The following MSH4 variants were observed in gnomAD, a reference collection of about 807,000 sequenced individuals.
MSH4 encodes mutS protein homolog 4.
MSH4 carries 106 observed loss-of-function variants against 113.7 expected under a neutral mutation model. That is an observed-to-expected ratio of 0.93 (90% CI 0.80 to 1.10). The LOEUF is 1.10. Ranked by LOEUF, MSH4 falls within the 50% of genes least tolerant of loss-of-function variation. The pLI is 0.00. For missense variants in MSH4, 1,061 were observed against 1,093.7 expected, an observed-to-expected ratio of 0.97 and a Z score of 0.42; for synonymous variants, 368 against 380.2, an observed-to-expected ratio of 0.97 and a Z score of 0.37.
At chr1:75,887,099 G>A (rs747435126) in intron 15 of MSH4, among the ~76,000 whole-genome samples, 15 of 151,926 alleles carry the variant, frequency 9.9e-5, no homozygotes, top group South Asian at 6.2e-4. Flanking sequence ...CCATTATGCC[G>A]TTTGACTCTG....
intron 8 of MSH4, among the ~76,000 whole-genome samples, chr1:75,863,259 A>C (rs1651497738): frequency 6.6e-6 from 1 of 152,164 alleles, no homozygotes; most frequent in African/African-American, 2.4e-5. Flanking sequence ...TTTATACTCC[A>C]ATGTTATATT....
intron 8 of MSH4, among the ~76,000 whole-genome samples, chr1:75,851,160 G>A (rs1651178431): frequency 6.6e-6 from 1 of 150,730 alleles, no homozygotes; most frequent in Non-Finnish European, 1.5e-5. Context: ...TTTAATTGAG[G>A]TATTTATTAC....
intron 8 of MSH4, among the ~76,000 whole-genome samples, chr1:75,864,512 C>T (rs1255402847): frequency 6.6e-6 from 1 of 152,144 alleles, no homozygotes; most frequent in African/African-American, 2.4e-5. Context: ...CTTCCCCAAA[C>T]CTGATATTAC....
At chr1:75,889,548 T>C (rs938671056) in intron 16 of MSH4, among the ~76,000 whole-genome samples, 179 bp downstream of exon 16, 5 of 152,102 alleles carry the variant, frequency 3.3e-5, no homozygotes, top group African/African-American at 1.2e-4. Context: ...TGGAAGACAA[T>C]GTTTAAGTGA....
intron 8 of MSH4, among the ~76,000 whole-genome samples, chr1:75,858,217 A>G (rs938382378): frequency 2.6e-5 from 4 of 152,246 alleles, no homozygotes; most frequent in Non-Finnish European, 5.9e-5. Context: ...GCAAACAGAG[A>G]CAATTTGACT....
intron 8 of MSH4, among the ~76,000 whole-genome samples, chr1:75,859,474 C>T (rs537046034): frequency 1.5e-4 from 23 of 152,100 alleles, no homozygotes; most frequent in Non-Finnish European, 7.4e-5. Flanking sequence ...TTTGTTCTCA[C>T]TGGTTTCGAA....
chr1:75,904,980 C>A (rs1652590642), intron 19 of MSH4, among the ~76,000 whole-genome samples: 1 of 151,748 alleles, frequency 6.6e-6, no homozygotes, highest in Non-Finnish European at 1.5e-5. Context: ...GGTCTTCTCT[C>A]TTTTTAGTTG....
At chr1:75,866,388 T>A (rs1039252304) in intron 8 of MSH4, among the ~76,000 whole-genome samples, 2 of 152,122 alleles carry the variant, frequency 1.3e-5, no homozygotes, top group Admixed American at 6.5e-5. Context: ...GGTCTCAAAC[T>A]CTTGAGCTCA....
At chr1:75,804,677 A>C (rs557544092) in intron 2 of MSH4, among the ~76,000 whole-genome samples, 6 of 151,164 alleles carry the variant, frequency 4.0e-5, no homozygotes, top group Admixed American at 4.0e-4. Flanking sequence ...CGCCCGGCTA[A>C]TTTTTGTATT....
rs1035901394 is a variant in MSH4 at position 75,908,583 on chromosome 1, C to T, written c.2620-4113C>T. Among the ~76,000 whole-genome samples, 4 of 152,158 alleles carry T rather than the reference C, an allele frequency of 2.6e-5. No individual in the cohort carries two copies. In the South Asian group the frequency reaches 6.2e-4, roughly 24 times the overall value. On this transcript the variant is annotated intron_variant, in intron 19 of 19. Transcript: ENST00000263187. The stretch of plus-strand genomic sequence containing the variant: ...GAGCTCACGTATCACCATCTCACCA[C>T]GATGTTGATCACCAGCTCCTTGCTT...
At chr1:75,892,297 G>A (rs746058379) in intron 17 of MSH4, among the ~76,000 whole-genome samples, 20 of 152,042 alleles carry the variant, frequency 1.3e-4, no homozygotes, top group Non-Finnish European at 2.5e-4. Context: ...GCCCATTTTA[G>A]ACCTTGGTAC....
intron 19 of MSH4, among the ~76,000 whole-genome samples, chr1:75,903,811 A>C (rs1431155536): frequency 6.6e-6 from 1 of 152,046 alleles, no homozygotes; most frequent in African/African-American, 2.4e-5. Context: ...GTCATCTGTA[A>C]AAAGGATATT....
intron 3 of MSH4, 86 bp from the exon 4 acceptor site, chr1:75,810,611 T>A (rs912625583): frequency 3.6e-6 from 2 of 562,180 alleles, no homozygotes; most frequent in African/African-American, 4.0e-5. Flanking sequence ...TATCTATGAA[T>A]TAATTTTAAA....
chr1:75,888,092 T>C (rs1370183751), intron 15 of MSH4, among the ~76,000 whole-genome samples: 1 of 150,940 alleles, frequency 6.6e-6, no homozygotes, highest in African/African-American at 2.4e-5. Context: ...ACTACTGTTA[T>C]GATTATTACT....
intron 8 of MSH4, among the ~76,000 whole-genome samples, chr1:75,860,704 TC>T (rs1651436861): frequency 6.6e-6 from 1 of 152,214 alleles, no homozygotes; most frequent in Non-Finnish European, 1.5e-5. Context: ...ATTTTTTCCT[TC>T]ATTTCAACCT....
At chr1:75,900,946 G>T (rs183472838) in intron 19 of MSH4, among the ~76,000 whole-genome samples, 5 of 151,916 alleles carry the variant, frequency 3.3e-5, no homozygotes, top group Non-Finnish European at 7.4e-5. Context: ...AAAAATATTC[G>T]AAACAAGCTA....
chr1:75,810,001 A>G (rs1469965025), intron 3 of MSH4, among the ~76,000 whole-genome samples: 4 of 152,124 alleles, frequency 2.6e-5, no homozygotes, highest in African/African-American at 9.7e-5. Context: ...GTATTTGGAT[A>G]AAATACTAAG....
At chr1:75,880,983 T>C (rs937134386) in intron 13 of MSH4, among the ~76,000 whole-genome samples, 2 of 151,934 alleles carry the variant, frequency 1.3e-5, no homozygotes, top group African/African-American at 4.8e-5. Context: ...ATTAATATCA[T>C]ATAAAAGCAG....
intron 7 of MSH4, among the ~76,000 whole-genome samples, chr1:75,841,753 G>T (rs1202139932): frequency 3.9e-5 from 6 of 152,152 alleles, no homozygotes; most frequent in Non-Finnish European, 8.8e-5. Context: ...GAAGAAGGAG[G>T]AGTCTGGAAA....
Sources: allele counts gnomAD v4.1 joint callset (sites outside exome capture counted in the v4.1 genomes callset), GRCh38; gene constraint gnomAD v4.1.1; transcripts MANE v1.5; gene names NCBI Gene and HGNC (gene_info 2026-07-23, HGNC 2026-07-21).